Variants in MIOS observed in about 807,000 individuals in gnomAD.
The protein encoded by MIOS is meiosis regulator for oocyte development.
A neutral mutation model predicts 96.9 loss-of-function variants in MIOS; 52 were observed. The observed-to-expected ratio is 0.54, with a 90% confidence interval of 0.43 to 0.68. The LOEUF (loss-of-function observed/expected upper bound fraction) is 0.68. Ranked by LOEUF, MIOS falls within the 30% of genes least tolerant of loss-of-function variation. The pLI, the probability that MIOS is intolerant of heterozygous loss-of-function variation, is 0.00. For missense variants in MIOS, 1,005 were observed against 1,052.8 expected, an observed-to-expected ratio of 0.95 and a Z score of 0.63; for synonymous variants, 397 against 359.5, an observed-to-expected ratio of 1.10 and a Z score of -1.18.
chr7:7,568,875 AG>A (rs1410146440), intron 3 of MIOS, among the ~76,000 whole-genome samples: 1 of 152,236 alleles, frequency 6.6e-6, no homozygotes, highest in Non-Finnish European at 1.5e-5. Flanking sequence ...GGATGGCAAT[AG>A]AAGTATTTTA....
At chr7:7,596,716 ATAATCT>A (rs1784213550) in intron 11 of MIOS, among the ~76,000 whole-genome samples, 1 of 152,356 alleles carries the variant, frequency 6.6e-6, no homozygotes, top group East Asian at 1.9e-4. Flanking sequence ...TAAATATGAA[ATAATCT>A]TAATATATTA....
At chr7:7,601,331 T>G (rs910377026) in intron 11 of MIOS, among the ~76,000 whole-genome samples, 2 of 148,968 alleles carry the variant, frequency 1.3e-5, no homozygotes, top group East Asian at 2.0e-4. Flanking sequence ...CTAGCAAGAC[T>G]AATAAAGAAG....
chr7:7,577,694 G>A (rs2015982026), intron 5 of MIOS, among the ~76,000 whole-genome samples: 1 of 152,168 alleles, frequency 6.6e-6, no homozygotes, highest in African/African-American at 2.4e-5. Flanking sequence ...CAGAGGAAAG[G>A]GGGAAAGGAT....
At position 7,591,297 on chromosome 7, in the gene MIOS, GT is replaced by G. The variant is rs71010984; in HGVS notation, c.2043+1750del. ...TCTGTGATGTTTCATTTTTTGTTGG[GT>G]TTTTTTTTTTTTTTTGAGACAGGGT... is the stretch of plus-strand genomic sequence containing the variant. On this transcript the variant is annotated intron_variant, in intron 9 of 12. Coordinates refer to ENST00000340080, the MANE Select transcript of MIOS (RefSeq NM_019005.4). Among the ~76,000 whole-genome samples the G allele has an allele frequency of 8.0e-3, 1,084 of 135,960 alleles. 6 individuals are homozygous for G. Among genetic ancestry groups the G allele is most frequent in the African/African-American group, 0.026 (936 of 36,654 alleles). 89.2% of individuals were successfully genotyped at this position (135,960 alleles called of 152,430 possible). A position where few individuals can be genotyped will look rare whatever the true frequency, so the allele number is the denominator to read the frequency against.
intron 11 of MIOS, among the ~76,000 whole-genome samples, chr7:7,603,217 G>A (rs1051483972): frequency 6.8e-4 from 104 of 151,842 alleles, no homozygotes; most frequent in Admixed American, 1.3e-3. Context: ...TGACAAATGG[G>A]ATCTAATTAA....
At chr7:7,580,351 G>C (rs540942598) in intron 5 of MIOS, among the ~76,000 whole-genome samples, 1 of 152,226 alleles carries the variant, frequency 6.6e-6, no homozygotes, top group African/African-American at 2.4e-5. Flanking sequence ...AAAGTAGCAT[G>C]CTCCTTCTTT....
At chr7:7,593,901 A>AAAAAAAAAAAAAC (rs376486803) in intron 9 of MIOS, among the ~76,000 whole-genome samples, 1 of 145,040 alleles carries the variant, frequency 6.9e-6, no homozygotes, top group African/African-American at 2.5e-5. Flanking sequence ...AAAAAGAAAA[A>AAAAAAAAAAAAAC]GAAAAGAAAA....
chr7:7,600,283 A>G (rs1313196779), intron 11 of MIOS, among the ~76,000 whole-genome samples: 2 of 152,152 alleles, frequency 1.3e-5, no homozygotes, highest in Non-Finnish European at 1.5e-5. Flanking sequence ...GGATAATTGG[A>G]TAAAGAGTCA....
intron 5 of MIOS, among the ~76,000 whole-genome samples, chr7:7,576,078 C>T (rs146180875): frequency 2.6e-5 from 4 of 152,238 alleles, no homozygotes; most frequent in Admixed American, 2.6e-4. Flanking sequence ...TAACCTAATA[C>T]ACAAGTTTAT....
intron 5 of MIOS, chr7:7,581,900 C>T (rs1236775734): frequency 6.6e-6 from 1 of 151,958 alleles, no homozygotes; most frequent in Non-Finnish European, 1.5e-5. Flanking sequence ...TGAGTAAGGG[C>T]CTTAATTATA....
intron 11 of MIOS, among the ~76,000 whole-genome samples, chr7:7,601,841 A>G (rs1259539387): frequency 1.3e-5 from 2 of 152,150 alleles, no homozygotes; most frequent in African/African-American, 4.8e-5. Context: ...CTGGCAAACC[A>G]AATCCAGCAA....
chr7:7,594,877 A>AAAAT, intron 9 of MIOS, 103 bp from the exon 10 acceptor site: 1 of 788,378 alleles, frequency 1.3e-6, no homozygotes, highest in Non-Finnish European at 1.8e-6. Flanking sequence ...AAAAAAAAAA[A>AAAAT]GGCCTATTTC....
At chr7:7,576,571 A>G (rs1271129093) in intron 5 of MIOS, among the ~76,000 whole-genome samples, 1 of 152,214 alleles carries the variant, frequency 6.6e-6, no homozygotes, top group East Asian at 1.9e-4. Flanking sequence ...GAAACAGAGC[A>G]TGAGAGAGGA....
At chr7:7,605,725 G>C (rs1784510495) in intron 11 of MIOS, 1 of 440,758 alleles carries the variant, frequency 2.3e-6, no homozygotes, top group African/African-American at 2.0e-5. Context: ...TAGTGGGTTT[G>C]GATTTTTTTT....
intron 5 of MIOS, among the ~76,000 whole-genome samples, chr7:7,577,158 G>A (rs1229491941): frequency 6.6e-6 from 1 of 152,176 alleles, no homozygotes; most frequent in African/African-American, 2.4e-5. Context: ...GAGGCAGATT[G>A]TCGAGAGATG....
rs115055951 is a variant in MIOS, at chr7:7,596,364, G to A, written c.2304G>A (p.Thr768=). Residue 768 remains threonine, a synonymous_variant, in exon 11 of 13, where the codon ACG becomes ACA. Transcript: ENST00000340080. ...FSQYGVSGSP[T]KSKVTSCPGC... ...AGTATGGTGTGAGTGGCTCACCAAC[G>A]AAATCTAAAGTCACAAGTTGTCCTG... is the stretch of plus-strand genomic sequence containing the variant. 1,483 of 1,614,098 alleles carry A rather than the reference G, an allele frequency of 9.2e-4. 13 individuals carry two copies. The African/African-American group carries it at 0.017, about 19-fold the overall frequency.
rs1784238678 is a variant in MIOS at position 7,597,472 on chromosome 7, A to ATG, written c.2401+1012_2401+1013insGT. 1.1e-3 allele frequency among the ~76,000 whole-genome samples: 6 copies of ATG among 5,660 alleles called. No individual in the cohort carries two copies. The East Asian group carries it at 0.018, about 17-fold the overall frequency. The allele number at this position is 5,660 out of a possible 152,430, so 3.7% of individuals were successfully genotyped here. A position where few individuals can be genotyped will look rare whatever the true frequency, so the allele number is the denominator to read the frequency against. On this transcript the variant is annotated intron_variant, in intron 11 of 12. Transcript: ENST00000340080. ...TTTGTCAGTTACCTAGTAAATTTAT[A>ATG]TATATATATATATATATATATATAT...
At chr7:7,600,655 C>G (rs1044852491) in intron 11 of MIOS, among the ~76,000 whole-genome samples, 1 of 152,140 alleles carries the variant, frequency 6.6e-6, no homozygotes, top group African/African-American at 2.4e-5. Flanking sequence ...TTAGACAGAT[C>G]AACGAGGCAG....
chr7:7,594,838 T>C, intron 9 of MIOS, 142 bp from the exon 10 acceptor site: 1 of 495,080 alleles, frequency 2.0e-6, no homozygotes, highest in East Asian at 3.5e-5. Flanking sequence ...ATTTTCTTTA[T>C]TCTCATTAGG....
Sources: allele counts gnomAD v4.1 joint callset (sites outside exome capture counted in the v4.1 genomes callset), GRCh38; gene constraint gnomAD v4.1.1; transcripts MANE v1.5; gene names NCBI Gene and HGNC (gene_info 2026-07-23, HGNC 2026-07-21).